The following ADAMTS6 variants were observed in gnomAD, a reference collection of about 807,000 sequenced individuals.
ADAMTS6 encodes the protein A disintegrin and metalloproteinase with thrombospondin motifs 6.
ADAMTS6 carries 23 observed loss-of-function variants against 144.3 expected under a neutral mutation model. The ratio of observed to expected loss-of-function variants is 0.16; its 90% CI spans 0.11 to 0.23. The LOEUF is 0.23. Ranked by LOEUF, ADAMTS6 falls within the 10% of genes least tolerant of loss-of-function variation. The pLI is 1.00. For missense variants in ADAMTS6, 999 were observed against 1,379.6 expected, an observed-to-expected ratio of 0.72 and a Z score of 4.37; for synonymous variants, 444 against 457.5, an observed-to-expected ratio of 0.97 and a Z score of 0.38.
At chr5:65,357,555 A>G (rs965775329) in intron 7 of ADAMTS6, among the ~76,000 whole-genome samples, 4 of 151,776 alleles carry the variant, frequency 2.6e-5, no homozygotes, top group African/African-American at 9.7e-5. Context: ...AGATCAATGA[A>G]ATTAGGAGTG....
At chr5:65,281,320 T>A (rs1762973706) in intron 11 of ADAMTS6, among the ~76,000 whole-genome samples, 1 of 152,206 alleles carries the variant, frequency 6.6e-6, no homozygotes, top group African/African-American at 2.4e-5. Context: ...TTAGTAATGG[T>A]TTACTTTTGT....
chr5:65,317,840 G>C (rs1007861131), intron 9 of ADAMTS6, among the ~76,000 whole-genome samples: 40 of 152,066 alleles, frequency 2.6e-4, no homozygotes, highest in Non-Finnish European at 4.4e-5. Flanking sequence ...TTGGGAGGCC[G>C]AGGCGGGTGG....
intron 22 of ADAMTS6, among the ~76,000 whole-genome samples, chr5:65,178,413 G>A (rs985662128): frequency 6.6e-6 from 1 of 152,230 alleles, no homozygotes; most frequent in Admixed American, 6.5e-5. Flanking sequence ...TAATAAAAAT[G>A]TAGATTGGAT....
At chr5:65,427,760 T>G (rs1756664386) in intron 7 of ADAMTS6, among the ~76,000 whole-genome samples, 1 of 148,204 alleles carries the variant, frequency 6.7e-6, no homozygotes, top group African/African-American at 2.5e-5. Context: ...CTCATGCCAC[T>G]GCACTCCAGC....
intron 24 of ADAMTS6, among the ~76,000 whole-genome samples, chr5:65,153,172 T>C (rs1752224632): frequency 6.6e-6 from 1 of 152,152 alleles, no homozygotes; most frequent in South Asian, 2.1e-4. Flanking sequence ...AAGATAACAA[T>C]CTTATTGATC....
intron 7 of ADAMTS6, among the ~76,000 whole-genome samples, chr5:65,399,476 G>C (rs1753733957): frequency 6.6e-6 from 1 of 151,976 alleles, no homozygotes; most frequent in Non-Finnish European, 1.5e-5. Flanking sequence ...ACAGAGCATT[G>C]TGTATGATTC....
chr5:65,242,175 T>C lies in ADAMTS6; in HGVS notation c.1862A>G (p.Glu621Gly). 1 of 1,600,080 alleles carries C rather than the reference T, an allele frequency of 6.2e-7. No individual in the cohort carries two copies. Among genetic ancestry groups the C allele is most frequent in the Non-Finnish European group, 8.5e-7 (1 of 1,171,180 alleles). Residue 621 changes from glutamate to glycine, a missense_variant, in exon 15 of 25, where the codon GAG (glutamate) becomes GGG (glycine). Glu to Gly is a moderately conservative substitution (Grantham distance 98). This residue lies in a region of ADAMTS6 where 619 missense variants were observed against 837.0 expected (regional missense o/e 0.74). Transcript: ENST00000381055. ...ATTGTCAAAGTCTGCACACTGTTTCTCTCGAAAATCTCGGGAACCCAAAGG... is the reference window on the plus strand; with the variant it reads ...ATTGTCAAAGTCTGCACACTGTTTCCCTCGAAAATCTCGGGAACCCAAAGG... Reference protein sequence around the residue: ...PCPLGSRDFREKQCADFDNMP... With the variant: ...PCPLGSRDFRGKQCADFDNMP...
intron 11 of ADAMTS6, among the ~76,000 whole-genome samples, chr5:65,290,331 A>T (rs752869121): frequency 4.6e-5 from 7 of 152,288 alleles, no homozygotes; most frequent in South Asian, 4.1e-4. Flanking sequence ...TGGGCAGATC[A>T]CTTGAGGCCA....
chr5:65,466,910 C>G (rs137864281), intron 3 of ADAMTS6, among the ~76,000 whole-genome samples: 5 of 151,848 alleles, frequency 3.3e-5, no homozygotes, highest in Admixed American at 3.3e-4. Context: ...GGCGTAGTGG[C>G]GGGAGCCTGT....
intron 8 of ADAMTS6, among the ~76,000 whole-genome samples, chr5:65,331,223 TA>T (rs746505325): frequency 1.6e-4 from 25 of 152,108 alleles, no homozygotes; most frequent in Non-Finnish European, 2.9e-4. Context: ...GCAGAATTAC[TA>T]AGAATAATTA....
intron 18 of ADAMTS6, among the ~76,000 whole-genome samples, chr5:65,215,714 C>G (rs1329981184): frequency 4.6e-5 from 7 of 151,970 alleles, no homozygotes; most frequent in African/African-American, 1.5e-4. Context: ...GAAAGGTTAA[C>G]CTGGAGGAAT....
chr5:65,390,492 T>A (rs897205293), intron 7 of ADAMTS6, among the ~76,000 whole-genome samples: 2 of 152,178 alleles, frequency 1.3e-5, no homozygotes, highest in Non-Finnish European at 2.9e-5. Context: ...ACGGTTAATA[T>A]ACCAGCAGAG....
At chr5:65,258,921 T>C (rs573551711) in intron 14 of ADAMTS6, among the ~76,000 whole-genome samples, 5 of 152,098 alleles carry the variant, frequency 3.3e-5, no homozygotes, top group Non-Finnish European at 7.4e-5. Flanking sequence ...GCTGAAGATA[T>C]AAATTTTGGG....
At chr5:65,402,837 A>G (rs150104944) in intron 7 of ADAMTS6, among the ~76,000 whole-genome samples, 281 of 152,160 alleles carry the variant, frequency 1.8e-3, no homozygotes, top group African/African-American at 6.4e-3. Context: ...TGATCCTAAA[A>G]AGCAAAACAA....
At chr5:65,469,825 T>C (rs1481621228) in intron 3 of ADAMTS6, among the ~76,000 whole-genome samples, 1 of 152,228 alleles carries the variant, frequency 6.6e-6, no homozygotes, top group Admixed American at 6.5e-5. Context: ...AATATGGGTA[T>C]GTTATAATAA....
chr5:65,193,219 G>T (rs906679939), intron 21 of ADAMTS6, among the ~76,000 whole-genome samples: 1 of 151,820 alleles, frequency 6.6e-6, no homozygotes, highest in Non-Finnish European at 1.5e-5. Context: ...TCTTAAATAA[G>T]ATTTTCTAAA....
At chr5:65,246,164 C>G (rs1467508716) in intron 14 of ADAMTS6, among the ~76,000 whole-genome samples, 1 of 152,162 alleles carries the variant, frequency 6.6e-6, no homozygotes. Flanking sequence ...GCAGGTTCTT[C>G]CTTACTTTCA....
chr5:65,190,474 G>C (rs1203560950), intron 21 of ADAMTS6, among the ~76,000 whole-genome samples: 9 of 152,224 alleles, frequency 5.9e-5, no homozygotes, highest in Middle Eastern at 3.4e-3. Flanking sequence ...AAGATTAGGG[G>C]ATAAAACAGA....
At chr5:65,441,815 C>CT (rs1455334419) in intron 7 of ADAMTS6, among the ~76,000 whole-genome samples, 4 of 143,648 alleles carry the variant, frequency 2.8e-5, no homozygotes, top group Admixed American at 1.4e-4. Context: ...TAACACAATT[C>CT]TAAGTAAGCC....
Sources: allele counts gnomAD v4.1 joint callset (sites outside exome capture counted in the v4.1 genomes callset), GRCh38; gene constraint gnomAD v4.1.1; regional missense constraint gnomAD v4.1.1; transcripts MANE v1.5; gene names NCBI Gene and HGNC (gene_info 2026-07-23, HGNC 2026-07-21).